RAD52: variants seen among roughly 807,000 people sequenced by gnomAD.
RAD52 encodes the protein RAD52 DNA repair protein, also known as DNA repair protein RAD52 homolog.
A neutral mutation model predicts 55.5 loss-of-function variants in RAD52; 47 were observed. The observed-to-expected ratio is 0.85, with a 90% CI of 0.67 to 1.08. RAD52 has a LOEUF of 1.08. Among genes scored for constraint, RAD52 ranks in the 50% least tolerant of loss-of-function variants. The probability of loss-of-function intolerance (pLI) is 0.00; values close to 1 mark genes in which losing one functional copy is unlikely to be tolerated. For missense variants in RAD52, 468 were observed against 522.8 expected (o/e 0.90, Z 1.02); for synonymous variants, 184 against 198.9 (o/e 0.92, Z 0.63).
At chr12:917,119 C>G (rs1214467113) in intron 7 of RAD52, among the ~76,000 whole-genome samples, 3 of 152,202 alleles carry the variant, frequency 2.0e-5, no homozygotes, top group African/African-American at 7.2e-5. Flanking sequence ...TGTCCTTTTT[C>G]CACGGAAATG....
chr12:943,862 G>A (rs1055973470), intron 1 of RAD52, among the ~76,000 whole-genome samples: 2 of 151,044 alleles, frequency 1.3e-5, no homozygotes, highest in Non-Finnish European at 2.9e-5. Context: ...CTCAGGTCAT[G>A]AAGATATTCT....
intron 1 of RAD52, among the ~76,000 whole-genome samples, chr12:936,221 T>C (rs1299670138): frequency 6.6e-6 from 1 of 151,952 alleles, no homozygotes; most frequent in Non-Finnish European, 1.5e-5. Context: ...GGAGAATTGC[T>C]TGTACCCGGG....
chr12:929,557 C>A, intron 5 of RAD52: 1 of 681,444 alleles, frequency 1.5e-6, no homozygotes, highest in South Asian at 1.6e-5. Context: ...TACCATATGC[C>A]AAAAAATACA....
chr12:949,568 AC>A (rs1418044837), intron 1 of RAD52, 33 bp downstream of exon 1: 8 of 151,448 alleles, frequency 5.3e-5, no homozygotes, highest in African/African-American at 1.7e-4. Flanking sequence ...GGCTAGAACC[AC>A]CCCGGGGGAA....
chr12:972,686 A>G (rs1490705751), intron 1 of RAD52, among the ~76,000 whole-genome samples: 1 of 150,712 alleles, frequency 6.6e-6, no homozygotes, highest in African/African-American at 2.5e-5. Context: ...GAATGGCGTG[A>G]ACCCAGGAGG....
At chr12:927,290 C>CA (rs1434165860) in intron 5 of RAD52, 27 bp from the exon 6 acceptor site, 1 of 1,541,896 alleles carries the variant, frequency 6.5e-7, no homozygotes, top group Admixed American at 1.7e-5. Flanking sequence ...AGTTTGAACT[C>CA]AAACACGAGA....
intron 1 of RAD52, among the ~76,000 whole-genome samples, chr12:988,768 T>G (rs1959123986): frequency 6.6e-6 from 1 of 152,122 alleles, no homozygotes; most frequent in Non-Finnish European, 1.5e-5. Context: ...ACCAACATAG[T>G]TTCGCAAGTG....
chr12:931,125 AC>A (rs777230823), intron 3 of RAD52, 94 bp downstream of exon 3: 55 of 981,490 alleles, frequency 5.6e-5, no homozygotes, highest in Non-Finnish European at 5.3e-5. Context: ...TTAACAGCAG[AC>A]TTCCGAATCC....
intron 1 of RAD52, among the ~76,000 whole-genome samples, chr12:971,184 T>C (rs1207658206): frequency 6.6e-6 from 1 of 152,202 alleles, no homozygotes; most frequent in Non-Finnish European, 1.5e-5. Context: ...AATATTTCCC[T>C]TGGGGTGACT....
At chr12:959,080 G>A (rs1281801801) in intron 1 of RAD52, among the ~76,000 whole-genome samples, 1 of 152,056 alleles carries the variant, frequency 6.6e-6, no homozygotes, top group Non-Finnish European at 1.5e-5. Flanking sequence ...TCACAGGAGA[G>A]TTCTAAAAAA....
intron 1 of RAD52, among the ~76,000 whole-genome samples, chr12:957,310 A>C (rs768233291): frequency 4.6e-5 from 7 of 151,638 alleles, no homozygotes; most frequent in Admixed American, 2.6e-4. Flanking sequence ...ATACAAAAAA[A>C]CAATTAGCTG....
rs1208616468 is a variant in RAD52 at position 912,742 on chromosome 12, AAAAC to A, written c.*645_*648del. Reference sequence around the variant, plus strand: ...CGTCTCAAAAAAAAAAAAAAAAAAAAAAACAAAAAACAGCCTTTTTTCGTGGTCT... The same window carrying A: ...CGTCTCAAAAAAAAAAAAAAAAAAAAAAAAAACAGCCTTTTTTCGTGGTCT... On this transcript the variant is annotated 3_prime_UTR_variant, in exon 12 of 12. Coordinates refer to ENST00000358495, the MANE Select transcript of RAD52 (RefSeq NM_134424.4). The A allele has an allele frequency of 1.7e-3, 201 of 121,694 alleles. 5 individuals are homozygous for A. Among genetic ancestry groups the A allele is most frequent in the Middle Eastern group, 9.3e-3 (3 of 322 alleles). 7.5% of individuals were successfully genotyped at this position (121,694 alleles called of 1,614,324 possible).
chr12:955,454 A>G (rs1958591055), intron 1 of RAD52, among the ~76,000 whole-genome samples: 1 of 146,246 alleles, frequency 6.8e-6, no homozygotes, highest in Non-Finnish European at 1.5e-5. Context: ...TTGGGACAGC[A>G]ACGTACTGTT....
chr12:947,348 C>CA (rs1958290658), intron 1 of RAD52, among the ~76,000 whole-genome samples: 1 of 149,150 alleles, frequency 6.7e-6, no homozygotes, highest in Non-Finnish European at 1.5e-5. Flanking sequence ...AACAGACAAA[C>CA]AAAAAAACAA....
intron 1 of RAD52, among the ~76,000 whole-genome samples, chr12:933,400 G>A (rs1957444113): frequency 6.6e-6 from 1 of 151,442 alleles, no homozygotes; most frequent in African/African-American, 2.4e-5. Flanking sequence ...GGAGGTTGCA[G>A]TGATCTGAGA....
At chr12:913,855 T>C (rs1349684491) in intron 11 of RAD52, 39 bp downstream of exon 11, 14 of 1,540,542 alleles carry the variant, frequency 9.1e-6, no homozygotes, top group African/African-American at 2.7e-5. Flanking sequence ...AAAGCTAGGA[T>C]CTCCCCTTAA....
chr12:989,380 C>A (rs1252127507), intron 1 of RAD52, among the ~76,000 whole-genome samples: 1 of 152,116 alleles, frequency 6.6e-6, no homozygotes, highest in African/African-American at 2.4e-5. Flanking sequence ...TTCCGATGTC[C>A]CCCTTCTCAT....
upstream of RAD52, among the ~76,000 whole-genome samples, chr12:952,742 A>G (rs187410937): frequency 6.5e-3 from 978 of 149,364 alleles, 7 homozygotes; most frequent in African/African-American, 0.023. Flanking sequence ...AAATACAAAA[A>G]TTAGCTGGGC....
chr12:987,294 T>C (rs1211166867), intron 1 of RAD52, among the ~76,000 whole-genome samples: 2 of 152,116 alleles, frequency 1.3e-5, no homozygotes, highest in African/African-American at 4.8e-5. Context: ...TGTCCTTTTA[T>C]GGGCTCCTTT....
Sources: allele counts gnomAD v4.1 joint callset (sites outside exome capture counted in the v4.1 genomes callset), GRCh38; gene constraint gnomAD v4.1.1; transcripts MANE v1.5; gene names NCBI Gene and HGNC (gene_info 2026-07-23, HGNC 2026-07-21).